The following KCNMB2 variants were observed in gnomAD, a reference collection of about 807,000 sequenced individuals.
KCNMB2 encodes potassium calcium-activated channel subfamily M regulatory beta subunit 2.
A neutral mutation model predicts 24.5 loss-of-function variants in KCNMB2; 9 were observed. That is an observed-to-expected ratio of 0.37 (90% CI 0.22 to 0.64). The LOEUF (loss-of-function observed/expected upper bound fraction) is 0.64, where lower values mean the gene tolerates loss of function less well. Among genes scored for constraint, KCNMB2 ranks in the 30% least tolerant of loss-of-function variants. KCNMB2 has a pLI of 0.63. For synonymous variants in KCNMB2, 109 were observed against 104.4 expected, an observed-to-expected ratio of 1.04 and a Z score of -0.27; for missense variants, 226 against 284.3, an observed-to-expected ratio of 0.79 and a Z score of 1.47.
intron 4 of KCNMB2, among the ~76,000 whole-genome samples, chr3:178,833,079 TAC>T (rs1423310856): frequency 2.0e-4 from 30 of 151,510 alleles, no homozygotes; most frequent in South Asian, 4.2e-4. Context: ...TTCTGCCAGG[TAC>T]AAGCCATTCA....
intron 4 of KCNMB2, among the ~76,000 whole-genome samples, chr3:178,835,143 C>T (rs1452486355): frequency 6.6e-6 from 1 of 151,282 alleles, no homozygotes; most frequent in Non-Finnish European, 1.5e-5. Flanking sequence ...CCAAATCAAG[C>T]AGAAGTGCCA....
chr3:178,837,677 T>C (rs1715282708), intron 4 of KCNMB2, among the ~76,000 whole-genome samples: 1 of 152,148 alleles, frequency 6.6e-6, no homozygotes, highest in African/African-American at 2.4e-5. Flanking sequence ...CCATTGGCCC[T>C]GAGGTCCCAC....
intron 1 of KCNMB2, among the ~76,000 whole-genome samples, chr3:178,639,752 A>T (rs542249816): frequency 2.6e-5 from 4 of 152,292 alleles, no homozygotes; most frequent in East Asian, 1.9e-4. Flanking sequence ...AATTTTTTTA[A>T]AAATGGGATT....
chr3:178,825,948 G>A (rs986632477), intron 3 of KCNMB2, among the ~76,000 whole-genome samples, 190 bp downstream of exon 3: 5 of 152,026 alleles, frequency 3.3e-5, no homozygotes, highest in African/African-American at 1.2e-4. Flanking sequence ...GTATAATCTG[G>A]ATACCAGGTG....
intron 1 of KCNMB2, among the ~76,000 whole-genome samples, chr3:178,550,169 G>A (rs907597677): frequency 2.0e-5 from 3 of 151,872 alleles, no homozygotes; most frequent in Non-Finnish European, 2.9e-5. Context: ...TGATTTGCCC[G>A]GCCAGGCACA....
At chr3:178,729,076 T>C (rs926000422) in intron 1 of KCNMB2, among the ~76,000 whole-genome samples, 45 of 152,166 alleles carry the variant, frequency 3.0e-4, no homozygotes, top group African/African-American at 1.1e-3. Flanking sequence ...TGATACCAGG[T>C]TAGAAAATCT....
At chr3:178,682,923 G>A (rs1721320940) in intron 1 of KCNMB2, among the ~76,000 whole-genome samples, 1 of 152,100 alleles carries the variant, frequency 6.6e-6, no homozygotes, top group South Asian at 2.1e-4. Flanking sequence ...CACTGTTGGT[G>A]GGAATGTAAA....
At chr3:178,599,533 G>A (rs925978517) in intron 1 of KCNMB2, among the ~76,000 whole-genome samples, 4 of 152,214 alleles carry the variant, frequency 2.6e-5, no homozygotes, top group African/African-American at 9.6e-5. Context: ...CAGGTGTTTT[G>A]TGTTCTGCAC....
intron 1 of KCNMB2, among the ~76,000 whole-genome samples, chr3:178,765,178 G>C (rs1285977161): frequency 6.6e-6 from 1 of 152,164 alleles, no homozygotes; most frequent in Non-Finnish European, 1.5e-5. Context: ...CCAAAAAGTA[G>C]TCATCGCAGC....
chr3:178,747,393 G>A (rs559324819), intron 1 of KCNMB2, among the ~76,000 whole-genome samples: 1 of 152,150 alleles, frequency 6.6e-6, no homozygotes, highest in Non-Finnish European at 1.5e-5. Flanking sequence ...ATGAGATTTG[G>A]GTGGGGACAC....
chr3:178,704,043 A>G (rs2108343610), intron 1 of KCNMB2, among the ~76,000 whole-genome samples: 1 of 152,252 alleles, frequency 6.6e-6, no homozygotes. Context: ...GAAAAGAATC[A>G]TTTCACTTTA....
intron 3 of KCNMB2, among the ~76,000 whole-genome samples, chr3:178,826,409 A>G (rs1714836503): frequency 6.6e-6 from 1 of 152,214 alleles, no homozygotes; most frequent in African/African-American, 2.4e-5. Flanking sequence ...CTATGCATCA[A>G]CTTTTAAAAA....
chr3:178,660,992 T>C (rs1390277307), intron 1 of KCNMB2, among the ~76,000 whole-genome samples: 1 of 58,924 alleles, frequency 1.7e-5, no homozygotes, highest in Non-Finnish European at 2.9e-5. Context: ...TACATATATA[T>C]ATATTATTAT....
intron 1 of KCNMB2, among the ~76,000 whole-genome samples, chr3:178,759,266 C>T (rs114603009): frequency 0.051 from 4,741 of 92,404 alleles, 214 homozygotes; most frequent in South Asian, 0.063. Context: ...CAAGAAGAGA[C>T]AGATACATAT....
At chr3:178,751,408 A>G (rs527889566) in intron 1 of KCNMB2, among the ~76,000 whole-genome samples, 27 of 151,830 alleles carry the variant, frequency 1.8e-4, no homozygotes, top group Admixed American at 8.5e-4. Context: ...GTGAAACCCC[A>G]TCTGTACTAA....
intron 1 of KCNMB2, among the ~76,000 whole-genome samples, chr3:178,739,742 G>A (rs1723433153): frequency 2.0e-5 from 3 of 152,198 alleles, no homozygotes; most frequent in Non-Finnish European, 4.4e-5. Context: ...TACTGGGGCA[G>A]GCAGGTAACA....
intron 1 of KCNMB2, among the ~76,000 whole-genome samples, chr3:178,714,324 G>A (rs1351768388): frequency 6.6e-6 from 1 of 152,180 alleles, no homozygotes; most frequent in East Asian, 1.9e-4. Context: ...GCATTCACTG[G>A]GGAGACAGAC....
At chr3:178,665,658 C>A (rs555562223) in intron 1 of KCNMB2, among the ~76,000 whole-genome samples, 2 of 152,250 alleles carry the variant, frequency 1.3e-5, no homozygotes, top group Admixed American at 1.3e-4. Context: ...GCAAGTTTAT[C>A]CTCAGAGAAT....
intron 1 of KCNMB2, among the ~76,000 whole-genome samples, chr3:178,560,279 A>C (rs1347928996): frequency 6.6e-6 from 1 of 152,118 alleles, no homozygotes; most frequent in South Asian, 2.1e-4. Context: ...AGTGAGTTAG[A>C]GATAAGAAAG....
Sources: gnomAD v4.1 joint callset for allele counts (sites outside exome capture counted in the v4.1 genomes callset) on GRCh38, gnomAD v4.1.1 for gene constraint, MANE v1.5 for transcripts, NCBI Gene and HGNC (gene_info 2026-07-23, HGNC 2026-07-21) for gene names.